Variants in RAD51B observed in about 807,000 individuals in gnomAD.
RAD51B encodes RAD51 paralog B.
In RAD51B, 38 loss-of-function variants were observed where a neutral mutation model predicts 42.2. That is an observed-to-expected ratio of 0.90 (90% CI 0.70 to 1.18). The LOEUF (loss-of-function observed/expected upper bound fraction) is 1.18, where lower values mean the gene tolerates loss of function less well. Among genes scored for constraint, RAD51B ranks in the 50% most tolerant of loss-of-function variants. The probability of loss-of-function intolerance (pLI) is 0.00; values close to 1 mark genes in which losing one functional copy is unlikely to be tolerated. For missense variants in RAD51B, 373 were observed against 400.7 expected (o/e 0.93, Z 0.59); for synonymous variants, 154 against 145.2 (o/e 1.06, Z -0.43).
At chr14:67,849,247 T>C (rs1412733933) in intron 4 of RAD51B, among the ~76,000 whole-genome samples, 3 of 152,198 alleles carry the variant, frequency 2.0e-5, no homozygotes, top group Non-Finnish European at 4.4e-5. Context: ...AAAGACTTTG[T>C]TCATTTTATA....
chr14:67,988,662 CA>C (rs1393776544), intron 7 of RAD51B, among the ~76,000 whole-genome samples: 1 of 152,042 alleles, frequency 6.6e-6, no homozygotes, highest in Non-Finnish European at 1.5e-5. Context: ...ATTTCCACTG[CA>C]GCAGGAAGAG....
intron 10 of RAD51B, among the ~76,000 whole-genome samples, chr14:68,575,310 A>G (rs944368274): frequency 6.6e-5 from 10 of 152,348 alleles, no homozygotes; most frequent in African/African-American, 1.9e-4. Context: ...TCTAAATGGT[A>G]GGGCCAGAAA....
rs540041678 is a variant in RAD51B, at chr14:68,029,404, C to A, written c.756+142200C>A. Among the ~76,000 whole-genome samples the A allele has an allele frequency of 2.0e-5, 3 of 152,296 alleles. No homozygotes were observed. The South Asian group carries it at 6.2e-4, about 32-fold the overall frequency. Reference sequence around the variant, plus strand: ...CTTTTGTTGTCATTTCAACAGTGTTCACAGCTTCTTCGCCAGGAGTAGTTT... The same window carrying A: ...CTTTTGTTGTCATTTCAACAGTGTTAACAGCTTCTTCGCCAGGAGTAGTTT... On this transcript the variant is annotated intron_variant, in intron 7 of 10. Coordinates refer to ENST00000471583, the MANE Select transcript of RAD51B (RefSeq NM_133510.4).
chr14:68,286,564 C>T (rs746356771), intron 7 of RAD51B, among the ~76,000 whole-genome samples: 5 of 152,188 alleles, frequency 3.3e-5, no homozygotes, highest in Admixed American at 6.6e-5. Context: ...CCACTCAGGT[C>T]TCCAGTGCTA....
intron 7 of RAD51B, among the ~76,000 whole-genome samples, chr14:68,184,625 C>CAAAA (rs3073458): frequency 0.014 from 1,769 of 130,400 alleles, 19 homozygotes; most frequent in African/African-American, 0.016. Context: ...AAAAAAAAAC[C>CAAAA]AAAAAAAAAA....
chr14:68,282,587 T>TAC (rs969046733), intron 7 of RAD51B, among the ~76,000 whole-genome samples: 6 of 152,222 alleles, frequency 3.9e-5, no homozygotes, highest in African/African-American at 1.2e-4. Context: ...AATAACACCT[T>TAC]ACACAATATC....
chr14:68,557,097 CAGG>C (rs1333573122), intron 10 of RAD51B, among the ~76,000 whole-genome samples: 1 of 152,208 alleles, frequency 6.6e-6, no homozygotes, highest in Non-Finnish European at 1.5e-5. Flanking sequence ...TCTACACTTT[CAGG>C]AGAACACTTT....
At chr14:67,841,222 G>A (rs2041416732) in intron 4 of RAD51B, among the ~76,000 whole-genome samples, 2 of 152,196 alleles carry the variant, frequency 1.3e-5, no homozygotes, top group African/African-American at 4.8e-5. Flanking sequence ...CCACATGTAT[G>A]TCTTCTTTTG....
At position 67,885,163 on chromosome 14, in the gene RAD51B, T is replaced by C. The variant is rs549993013; in HGVS notation, c.453-706T>C. 2.4e-4 allele frequency among the ~76,000 whole-genome samples: 37 copies of C among 152,304 alleles called. No homozygotes were observed. In the South Asian group the frequency reaches 7.7e-3, roughly 32 times the overall value. ...AATGAGATGGTTAAACTCAAAGACT[T>C]ATATTTTTAACATTTTTAACCATAA... On this transcript the variant is annotated intron_variant, in intron 5 of 10. Coordinates refer to ENST00000471583, the MANE Select transcript of RAD51B (RefSeq NM_133510.4).
At chr14:68,611,363 T>C in exon 11 of RAD51B, 1 of 644,876 alleles carries the variant, frequency 1.6e-6, no homozygotes, top group South Asian at 1.8e-5. Context: ...CAGCAAAGGA[T>C]GTCATGGTTT....
intron 10 of RAD51B, among the ~76,000 whole-genome samples, chr14:68,496,076 C>T (rs575878806): frequency 1.4e-4 from 22 of 152,336 alleles, no homozygotes; most frequent in African/African-American, 4.8e-4. Flanking sequence ...AGTAACCACT[C>T]AGTCATTGAC....
intron 7 of RAD51B, among the ~76,000 whole-genome samples, chr14:68,289,770 C>G (rs965461932): frequency 1.3e-5 from 2 of 151,450 alleles, no homozygotes; most frequent in African/African-American, 4.9e-5. Flanking sequence ...TAGAGCTGAA[C>G]AGTTATTTCA....
At chr14:68,520,656 C>T (rs1485419850) in intron 10 of RAD51B, among the ~76,000 whole-genome samples, 1 of 152,190 alleles carries the variant, frequency 6.6e-6, no homozygotes, top group African/African-American at 2.4e-5. Flanking sequence ...AACTCTTCCT[C>T]ACCCTAGGAC....
At chr14:68,079,208 G>A (rs186992483) in intron 7 of RAD51B, among the ~76,000 whole-genome samples, 2 of 152,042 alleles carry the variant, frequency 1.3e-5, no homozygotes, top group African/African-American at 4.8e-5. Flanking sequence ...TAATTAAATT[G>A]TTTCCCACTA....
intron 7 of RAD51B, among the ~76,000 whole-genome samples, chr14:68,007,508 CT>C (rs965298701): frequency 1.5e-4 from 23 of 151,912 alleles, no homozygotes; most frequent in African/African-American, 5.6e-4. Flanking sequence ...TTTATCAACG[CT>C]TTTTATTTTC....
At chr14:68,428,120 TC>T (rs2084898569) in intron 9 of RAD51B, among the ~76,000 whole-genome samples, 1 of 152,214 alleles carries the variant, frequency 6.6e-6, no homozygotes, top group Non-Finnish European at 1.5e-5. Context: ...TCTTGGACTT[TC>T]CAGCATACAG....
intron 8 of RAD51B, among the ~76,000 whole-genome samples, chr14:68,380,514 G>A (rs774778557): frequency 3.3e-5 from 5 of 152,200 alleles, no homozygotes; most frequent in Non-Finnish European, 7.3e-5. Context: ...CAGTGTGTGT[G>A]TATAATTAAG....
At chr14:68,531,287 G>C (rs1306395113) in intron 10 of RAD51B, among the ~76,000 whole-genome samples, 1 of 152,124 alleles carries the variant, frequency 6.6e-6, no homozygotes, top group East Asian at 1.9e-4. Flanking sequence ...TACAATAAAT[G>C]TAAGCTGATT....
At chr14:68,310,861 A>C (rs1310135078) in intron 8 of RAD51B, among the ~76,000 whole-genome samples, 1 of 152,116 alleles carries the variant, frequency 6.6e-6, no homozygotes, top group African/African-American at 2.4e-5. Flanking sequence ...TTAATTAATT[A>C]ATTAAAAATT....
Sources: gnomAD v4.1 joint callset for allele counts (sites outside exome capture counted in the v4.1 genomes callset) on GRCh38, gnomAD v4.1.1 for gene constraint, MANE v1.5 for transcripts, NCBI Gene and HGNC (gene_info 2026-07-23, HGNC 2026-07-21) for gene names.